The following CADPS variants were observed in gnomAD, a reference collection of about 807,000 sequenced individuals.
CADPS encodes calcium-dependent secretion activator 1.
Under a neutral mutation model 167.3 loss-of-function variants are expected in CADPS, and 57 were observed. The observed-to-expected ratio is 0.34, with a 90% CI of 0.28 to 0.42. The LOEUF (loss-of-function observed/expected upper bound fraction) is 0.42. Among genes scored for constraint, CADPS ranks in the 20% least tolerant of loss-of-function variants. The pLI is 1.00. For missense variants in CADPS, 1,414 were observed against 1,738.1 expected, an observed-to-expected ratio of 0.81 and a Z score of 3.32; for synonymous variants, 676 against 635.3, an observed-to-expected ratio of 1.06 and a Z score of -0.96.
intron 10 of CADPS, chr3:62,551,038 C>T (rs750603558): frequency 2.1e-5 from 9 of 419,214 alleles, no homozygotes; most frequent in Non-Finnish European, 3.8e-5. Context: ...TAGAAGCACC[C>T]TCTCTCATGG....
At chr3:62,796,781 G>A (rs1236321211) in intron 1 of CADPS, among the ~76,000 whole-genome samples, 2 of 152,134 alleles carry the variant, frequency 1.3e-5, no homozygotes, top group African/African-American at 4.8e-5. Flanking sequence ...TTAATAAAAT[G>A]TGTGTTTTAG....
Position 62,609,946 on chromosome 3 carries a change from G to A in CADPS, c.1326-17198C>T, listed in dbSNP as rs12636093. On this transcript the variant is annotated intron_variant, in intron 6 of 29. Transcript: ENST00000383710. Reference sequence around the variant, plus strand: ...CTACAAAAAATACTAAAAATTAGCCGGGAGTGGTGGTCCGTGCCTATAGTC... The same window carrying A: ...CTACAAAAAATACTAAAAATTAGCCAGGAGTGGTGGTCCGTGCCTATAGTC... Among the ~76,000 whole-genome samples the A allele has an allele frequency of 1.8e-3, 273 of 151,960 alleles. 3 individuals carry two copies. The East Asian group carries it at 0.019, about 11-fold the overall frequency.
intron 22 of CADPS, 126 bp downstream of exon 22, chr3:62,481,597 A>G: frequency 2.3e-6 from 2 of 868,130 alleles, no homozygotes; most frequent in Admixed American, 3.2e-5. Context: ...TCTCTGTATG[A>G]TCAGCAAAAT....
intron 6 of CADPS, among the ~76,000 whole-genome samples, chr3:62,627,060 T>A (rs2149594388): frequency 6.6e-6 from 1 of 152,272 alleles, no homozygotes; most frequent in East Asian, 1.9e-4. Context: ...TATGTGTATA[T>A]GAGGATTTAT....
At chr3:62,649,541 GTC>G (rs2069483014) in intron 5 of CADPS, among the ~76,000 whole-genome samples, 1 of 75,004 alleles carries the variant, frequency 1.3e-5, no homozygotes, top group Non-Finnish European at 2.5e-5. Flanking sequence ...ACAATATGTG[GTC>G]TTTTTTTTTT....
intron 3 of CADPS, among the ~76,000 whole-genome samples, chr3:62,668,048 G>A (rs1294566301): frequency 1.3e-5 from 2 of 152,148 alleles, no homozygotes; most frequent in Non-Finnish European, 2.9e-5. Context: ...ATGCACTAAC[G>A]ATGATAAGGA....
rs1035947733 is a variant in CADPS at position 62,602,701 on chromosome 3, T to C, written c.1326-9953A>G. ...CGTTTGCTTTGTAGAAATTGGGCTGTCTGGGAGGCAGAGATGAAGGCTTTG... is the reference window on the plus strand; with the variant it reads ...CGTTTGCTTTGTAGAAATTGGGCTGCCTGGGAGGCAGAGATGAAGGCTTTG... On this transcript the variant is annotated intron_variant, in intron 6 of 29. Coordinates refer to ENST00000383710, the MANE Select transcript of CADPS (RefSeq NM_003716.4). The surrounding 1 kb of genome is among the most constrained non-coding windows in gnomAD (Gnocchi z 4.4). Among the ~76,000 whole-genome samples the C allele has an allele frequency of 2.0e-5, 3 of 152,172 alleles. No individual in the cohort carries two copies. The highest frequency in any genetic ancestry group is 6.5e-5 in the Admixed American group (1 of 15,276).
chr3:62,589,809 T>G (rs1156406318), intron 7 of CADPS, among the ~76,000 whole-genome samples: 3 of 152,196 alleles, frequency 2.0e-5, no homozygotes, highest in Non-Finnish European at 4.4e-5. Flanking sequence ...TTAACTTTTC[T>G]GAGTAGAAAT....
At chr3:62,686,093 C>T (rs1046702138) in intron 3 of CADPS, among the ~76,000 whole-genome samples, 1 of 152,038 alleles carries the variant, frequency 6.6e-6, no homozygotes, top group Non-Finnish European at 1.5e-5. Flanking sequence ...CTATGTAACC[C>T]ATAAATATGT....
At chr3:62,633,210 A>G (rs2065634891) in intron 6 of CADPS, among the ~76,000 whole-genome samples, 1 of 152,108 alleles carries the variant, frequency 6.6e-6, no homozygotes, top group Admixed American at 6.5e-5. Context: ...TCTATGTCCC[A>G]ATGTGTCTTG....
At chr3:62,793,956 A>G (rs2093174418) in intron 1 of CADPS, among the ~76,000 whole-genome samples, 2 of 152,188 alleles carry the variant, frequency 1.3e-5, no homozygotes, top group African/African-American at 2.4e-5. Flanking sequence ...CAAGAAGTCC[A>G]GGCAAAACTA....
intron 6 of CADPS, among the ~76,000 whole-genome samples, chr3:62,611,887 T>G (rs1424560429): frequency 1.3e-5 from 2 of 152,220 alleles, no homozygotes; most frequent in Non-Finnish European, 2.9e-5. Context: ...TTTTTTCTCC[T>G]TATCACTTAT....
chr3:62,479,782 G>A (rs1016286014), intron 22 of CADPS, among the ~76,000 whole-genome samples: 3 of 152,218 alleles, frequency 2.0e-5, no homozygotes, highest in African/African-American at 4.8e-5. Flanking sequence ...TTCCTGGTGG[G>A]TGATTGAGAA....
chr3:62,574,816 G>A (rs1172373187), intron 8 of CADPS, among the ~76,000 whole-genome samples: 2 of 152,184 alleles, frequency 1.3e-5, no homozygotes, highest in Non-Finnish European at 2.9e-5. Context: ...TGCTTGTGAA[G>A]TATAAGCATG....
At chr3:62,756,481 G>A (rs2083943840) in intron 2 of CADPS, among the ~76,000 whole-genome samples, 1 of 152,090 alleles carries the variant, frequency 6.6e-6, no homozygotes, top group African/African-American at 2.4e-5. Context: ...CCTTTCTTTG[G>A]TTACTCTCTA....
At chr3:62,511,161 T>C (rs992961696) in intron 17 of CADPS, among the ~76,000 whole-genome samples, 1 of 152,176 alleles carries the variant, frequency 6.6e-6, no homozygotes, top group Non-Finnish European at 1.5e-5. Flanking sequence ...ATGCCAAGGT[T>C]GGCATGATTT....
intron 6 of CADPS, among the ~76,000 whole-genome samples, chr3:62,639,033 G>GCCCACCTTCA (rs72360713): frequency 3.6e-5 from 4 of 109,776 alleles, no homozygotes; most frequent in African/African-American, 1.2e-4. Flanking sequence ...CTAGCAGTCT[G>GCCCACCTTCA]CCCACCTTCA....
At chr3:62,633,197 G>T (rs1030274659) in intron 6 of CADPS, among the ~76,000 whole-genome samples, 1 of 152,056 alleles carries the variant, frequency 6.6e-6, no homozygotes, top group African/African-American at 2.4e-5. Flanking sequence ...AGAGAGTTTG[G>T]GCTCTATGTC....
At position 62,457,455 on chromosome 3, in the gene CADPS, CTA is replaced by C. The variant is rs201324707; in HGVS notation, c.3636+7910_3636+7911del. 2.0e-4 allele frequency among the ~76,000 whole-genome samples: 31 copies of C among 152,210 alleles called. 1 individual carries two copies. The East Asian group carries it at 4.8e-3, about 24-fold the overall frequency. On this transcript the variant is annotated intron_variant, in intron 26 of 29. Coordinates refer to ENST00000383710, the MANE Select transcript of CADPS (RefSeq NM_003716.4). ...GATTAATAAAGAGGTGTTTTAGAGA[CTA>C]TGTAAAAACGAAAAATTCTTTTGGC... is the stretch of plus-strand genomic sequence containing the variant.
Sources: gnomAD v4.1 joint callset for allele counts (sites outside exome capture counted in the v4.1 genomes callset) on GRCh38, gnomAD v4.1.1 for gene constraint, Gnocchi (gnomAD v3.1) non-coding constraint, MANE v1.5 for transcripts, NCBI Gene and HGNC (gene_info 2026-07-23, HGNC 2026-07-21) for gene names.